Variants in KIAA2012 observed in about 807,000 individuals in gnomAD.
KIAA2012 encodes uncharacterized protein KIAA2012.
In KIAA2012, 125 loss-of-function variants were observed where a neutral mutation model predicts 150.6. The observed-to-expected ratio is 0.83, with a 90% CI of 0.72 to 0.96. The LOEUF is 0.96. Ranked by LOEUF, KIAA2012 falls within the 40% of genes least tolerant of loss-of-function variation. KIAA2012 has a pLI of 0.00. For synonymous variants in KIAA2012, 462 were observed against 504.7 expected (o/e 0.92, Z 1.13); for missense variants, 1,219 against 1,354.9 (o/e 0.90, Z 1.57).
chr2:202,105,406 C>T (rs1367274597), intron 8 of KIAA2012, among the ~76,000 whole-genome samples: 1 of 152,212 alleles, frequency 6.6e-6, no homozygotes. Flanking sequence ...TCCTCTGAAG[C>T]AGGCTCCTAC....
intron 15 of KIAA2012, among the ~76,000 whole-genome samples, chr2:202,169,835 T>A (rs1691849038): frequency 6.6e-6 from 1 of 152,254 alleles, no homozygotes; most frequent in South Asian, 2.1e-4. Context: ...CTTTACCAGC[T>A]GTGCCTTTGA....
intron 13 of KIAA2012, among the ~76,000 whole-genome samples, chr2:202,147,159 C>A: frequency 6.6e-6 from 1 of 152,222 alleles, no homozygotes; most frequent in Admixed American, 6.5e-5. Flanking sequence ...AATTGTTCCT[C>A]CCTTTCCCAT....
At chr2:202,169,064 C>G (rs1691830792) in intron 15 of KIAA2012, among the ~76,000 whole-genome samples, 1 of 152,066 alleles carries the variant, frequency 6.6e-6, no homozygotes, top group Non-Finnish European at 1.5e-5. Flanking sequence ...TCTGAGCTGG[C>G]AGGCAGGGGG....
intron 12 of KIAA2012, among the ~76,000 whole-genome samples, chr2:202,129,467 G>A (rs1201379336): frequency 3.3e-5 from 5 of 152,018 alleles, no homozygotes; most frequent in South Asian, 4.2e-4. Flanking sequence ...TGATCCACCC[G>A]CCTCGGCCTC....
chr2:202,180,096 AC>A (rs1289096572), intron 15 of KIAA2012: 4 of 354,392 alleles, frequency 1.1e-5, no homozygotes, highest in African/African-American at 8.6e-5. Context: ...ACATGGAGAA[AC>A]CCCATCTCTA....
chr2:202,117,409 C>T (rs1218140277), intron 11 of KIAA2012, among the ~76,000 whole-genome samples: 1 of 152,194 alleles, frequency 6.6e-6, no homozygotes, highest in Non-Finnish European at 1.5e-5. Context: ...GTAAAAGAAT[C>T]CTTCCATGTT....
intron 21 of KIAA2012, among the ~76,000 whole-genome samples, chr2:202,195,895 T>C (rs1692405034): frequency 6.6e-6 from 1 of 152,242 alleles, no homozygotes; most frequent in Non-Finnish European, 1.5e-5. Flanking sequence ...CCATCATGTA[T>C]ATATATACCA....
chr2:202,191,902 C>T (rs1692332037), intron 19 of KIAA2012, among the ~76,000 whole-genome samples: 2 of 152,194 alleles, frequency 1.3e-5, no homozygotes, highest in African/African-American at 4.8e-5. Context: ...TGCAGGTTGC[C>T]AGAAATTGCA....
chr2:202,138,122 A>C (rs985294766), intron 12 of KIAA2012: 2 of 190,450 alleles, frequency 1.1e-5, no homozygotes, highest in South Asian at 1.4e-4. Flanking sequence ...TTTCCTTTTT[A>C]ATTTCAGCTT....
chr2:202,182,205 C>T (rs1692135341), intron 15 of KIAA2012, among the ~76,000 whole-genome samples: 1 of 150,076 alleles, frequency 6.7e-6, no homozygotes, highest in Non-Finnish European at 1.5e-5. Flanking sequence ...ACCTCCACCT[C>T]CCGGGTTCAA....
Position 202,188,600 on chromosome 2 carries a change from T to C in KIAA2012, c.2491+334T>C, listed in dbSNP as rs565114236. ...CAACATCTCCATGAAGGAAGTGTTA[T>C]TATTATATTCATGTAGCAACTGAGG... On this transcript the variant is annotated intron_variant, in intron 18 of 23. Transcript: ENST00000498697. 7.2e-5 allele frequency among the ~76,000 whole-genome samples: 11 copies of C among 152,364 alleles called. No homozygotes were observed. In the South Asian group the frequency reaches 2.3e-3, roughly 32 times the overall value.
intron 12 of KIAA2012, among the ~76,000 whole-genome samples, chr2:202,126,872 A>G (rs1690803396): frequency 6.6e-6 from 1 of 152,184 alleles, no homozygotes; most frequent in South Asian, 2.1e-4. Context: ...AGGAACCTGT[A>G]TTTTTATGAC....
chr2:202,187,136 T>A (rs1281527882), intron 17 of KIAA2012, 38 bp downstream of exon 17: 1 of 1,542,442 alleles, frequency 6.5e-7, no homozygotes. Context: ...CCAAAAGCCC[T>A]ACTTGGATCT....
chr2:202,159,639 G>A (rs192128162), intron 14 of KIAA2012, among the ~76,000 whole-genome samples: 4 of 152,236 alleles, frequency 2.6e-5, no homozygotes, highest in East Asian at 3.9e-4. Flanking sequence ...CAGGTAGTTC[G>A]AGACCAGCCT....
At chr2:202,075,524 C>T (rs1310011112) in intron 2 of KIAA2012, among the ~76,000 whole-genome samples, 1 of 152,228 alleles carries the variant, frequency 6.6e-6, no homozygotes, top group Non-Finnish European at 1.5e-5. Context: ...AATCCTGTCT[C>T]ATAGCCACAA....
At chr2:202,103,457 C>G (rs1301577909) in intron 8 of KIAA2012, among the ~76,000 whole-genome samples, 1 of 150,088 alleles carries the variant, frequency 6.7e-6, no homozygotes, top group Non-Finnish European at 1.5e-5. Context: ...TTGTATAAAA[C>G]AAGACAACTA....
Position 202,188,170 on chromosome 2 carries a change from G to A in KIAA2012, c.2395G>A (p.Glu799Lys), listed in dbSNP as rs1023931351. Residue 799 changes from glutamate (E) to lysine (K), a missense_variant, in exon 18 of 24, where the codon GAG (glutamate) becomes AAG (lysine). Coordinates refer to ENST00000498697, the MANE Select transcript of KIAA2012 (RefSeq NM_001277372.4). ...CCTTTAGGAGAGGGATTTGATTAAC[G>A]AGGCCAAGAGAAAGGAAAAACCCAA... ...NISHERDLIN[E>K]AKRKEKPKKD... is the part of the protein sequence containing the mutation. The A allele has an allele frequency of 7.7e-6, 12 of 1,550,004 alleles. No homozygotes were observed. Among genetic ancestry groups the A allele is most frequent in the African/African-American group, 6.9e-5 (5 of 72,874 alleles).
intron 13 of KIAA2012, among the ~76,000 whole-genome samples, chr2:202,140,828 T>C (rs1691182668): frequency 6.6e-6 from 1 of 152,166 alleles, no homozygotes; most frequent in South Asian, 2.1e-4. Flanking sequence ...GACATCACAA[T>C]ACTGATCTTA....
chr2:202,096,063 A>T (rs112437638), intron 4 of KIAA2012, among the ~76,000 whole-genome samples: 307 of 152,166 alleles, frequency 2.0e-3, no homozygotes, highest in Non-Finnish European at 3.7e-3. Context: ...CAGCCTGGGC[A>T]ACAGAGTGAG....
Sources: gnomAD v4.1 joint callset for allele counts (sites outside exome capture counted in the v4.1 genomes callset) on GRCh38, gnomAD v4.1.1 for gene constraint, MANE v1.5 for transcripts, NCBI Gene and HGNC (gene_info 2026-07-23, HGNC 2026-07-21) for gene names.